Variants in RGS6 observed in about 807,000 individuals in gnomAD.
RGS6 encodes the protein regulator of G protein signaling 6.
In RGS6, 30 loss-of-function variants were observed where a neutral mutation model predicts 78.5. That is an observed-to-expected ratio of 0.38 (90% confidence interval 0.29 to 0.52). The LOEUF (loss-of-function observed/expected upper bound fraction) is 0.52, where lower values mean the gene tolerates loss of function less well. RGS6 is among the 20% of genes least tolerant of loss of function. The pLI is 0.85. For missense variants in RGS6, 495 were observed against 609.7 expected (o/e 0.81, Z 1.98); for synonymous variants, 206 against 206.0 (o/e 1.00, Z 0.00).
intron 14 of RGS6, among the ~76,000 whole-genome samples, chr14:72,512,577 GA>G (rs1479972343): frequency 6.6e-6 from 1 of 152,184 alleles, no homozygotes; most frequent in Non-Finnish European, 1.5e-5. Context: ...CCAGAATGCA[GA>G]AATCCAGACT....
At chr14:72,287,695 T>C (rs2062834849) in intron 2 of RGS6, among the ~76,000 whole-genome samples, 1 of 152,174 alleles carries the variant, frequency 6.6e-6, no homozygotes, top group Non-Finnish European at 1.5e-5. Flanking sequence ...CGACCTCAGG[T>C]GATCTGCCCG....
intron 2 of RGS6, among the ~76,000 whole-genome samples, chr14:71,995,763 G>A (rs1043306009): frequency 4.6e-5 from 7 of 152,256 alleles, no homozygotes; most frequent in African/African-American, 1.7e-4. Flanking sequence ...ATGACGCACG[G>A]CATATTTACT....
At chr14:72,472,710 TAC>T (rs1248462762) in intron 8 of RGS6, among the ~76,000 whole-genome samples, 160 bp from the exon 9 acceptor site, 1 of 152,194 alleles carries the variant, frequency 6.6e-6, no homozygotes, top group East Asian at 1.9e-4. Context: ...GGGGGAATTA[TAC>T]ACCCCTATTT....
chr14:72,070,991 C>T lies in RGS6; in HGVS notation c.84+106116C>T, dbSNP rs1408445383. 7.2e-5 allele frequency among the ~76,000 whole-genome samples: 11 copies of T among 151,902 alleles called. No homozygotes were observed. The South Asian group carries it at 1.7e-3, about 23-fold the overall frequency. ...AAAACATTTAAAATATTTTATTCATCTCCTCTCATGGTTTTCAGCAAAAAT... is the reference window on the plus strand; with the variant it reads ...AAAACATTTAAAATATTTTATTCATTTCCTCTCATGGTTTTCAGCAAAAAT... On this transcript the variant is annotated intron_variant, in intron 2 of 17. Transcript: ENST00000553525.
intron 3 of RGS6, among the ~76,000 whole-genome samples, chr14:72,448,175 C>T (rs2056425962): frequency 6.6e-6 from 1 of 152,192 alleles, no homozygotes; most frequent in South Asian, 2.1e-4. Context: ...GGGACCTGCC[C>T]AGGTTCCCAC....
intron 2 of RGS6, among the ~76,000 whole-genome samples, chr14:72,344,651 C>T (rs919794899): frequency 3.3e-5 from 5 of 152,156 alleles, no homozygotes; most frequent in African/African-American, 1.2e-4. Context: ...GAAATATTTA[C>T]TGAGTACCTA....
At chr14:72,266,211 C>T (rs536626756) in intron 2 of RGS6, among the ~76,000 whole-genome samples, 1 of 152,104 alleles carries the variant, frequency 6.6e-6, no homozygotes, top group Non-Finnish European at 1.5e-5. Context: ...ACATGCCTGG[C>T]GCCTTGGTGG....
intron 3 of RGS6, among the ~76,000 whole-genome samples, chr14:72,416,348 C>T (rs2093808522): frequency 6.6e-6 from 1 of 152,110 alleles, no homozygotes; most frequent in Non-Finnish European, 1.5e-5. Flanking sequence ...AGATGGGTCT[C>T]CTTTTCTTCT....
intron 2 of RGS6, among the ~76,000 whole-genome samples, chr14:72,054,880 A>G (rs911386759): frequency 4.6e-5 from 7 of 152,182 alleles, no homozygotes; most frequent in African/African-American, 9.6e-5. Context: ...CCTGGCTTAT[A>G]TGATCTCTTG....
the RGS6 span, among the ~76,000 whole-genome samples, chr14:71,895,026 A>G: frequency 4.4e-4 from 67 of 152,208 alleles, no homozygotes; most frequent in Admixed American, 6.5e-4. Flanking sequence ...GGCCTCCCAA[A>G]GTGCTGGGAT....
At chr14:72,210,044 A>G (rs759969567) in intron 2 of RGS6, among the ~76,000 whole-genome samples, 1 of 152,208 alleles carries the variant, frequency 6.6e-6, no homozygotes, top group Non-Finnish European at 1.5e-5. Flanking sequence ...GATACTCAGG[A>G]AGAGGATCTC....
intron 2 of RGS6, among the ~76,000 whole-genome samples, chr14:72,097,557 A>G (rs888557058): frequency 6.6e-6 from 1 of 152,204 alleles, no homozygotes; most frequent in Non-Finnish European, 1.5e-5. Context: ...GGCCGCAATT[A>G]GCAGAGACCA....
chr14:71,930,198 A>T (rs1016840412), upstream of RGS6, among the ~76,000 whole-genome samples: 5 of 152,174 alleles, frequency 3.3e-5, no homozygotes, highest in African/African-American at 1.2e-4. Context: ...TTGGATCCAA[A>T]ATCATTTTAC....
chr14:72,010,985 AT>A (rs1247275166), intron 2 of RGS6, among the ~76,000 whole-genome samples: 2 of 152,236 alleles, frequency 1.3e-5, no homozygotes, highest in African/African-American at 4.8e-5. Context: ...GCACTTATTA[AT>A]GGCAAAACCG....
intron 3 of RGS6, among the ~76,000 whole-genome samples, chr14:72,450,723 A>T (rs1353262034): frequency 1.3e-5 from 2 of 152,204 alleles, no homozygotes; most frequent in Non-Finnish European, 2.9e-5. Context: ...TAGAACAGAA[A>T]AGGAATCCGC....
intron 15 of RGS6, among the ~76,000 whole-genome samples, chr14:72,530,170 A>T (rs538156674): frequency 2.0e-5 from 3 of 152,240 alleles, no homozygotes; most frequent in African/African-American, 7.2e-5. Context: ...CTCACTTCTT[A>T]TGGGGCAGCA....
intron 1 of RGS6, among the ~76,000 whole-genome samples, chr14:71,951,854 C>T (rs886621027): frequency 9.9e-5 from 15 of 152,040 alleles, no homozygotes; most frequent in Non-Finnish European, 1.3e-4. Flanking sequence ...TGAAATTATT[C>T]GATGCTATTA....
chr14:71,907,391 A>G, the RGS6 span, among the ~76,000 whole-genome samples: 4 of 152,188 alleles, frequency 2.6e-5, no homozygotes, highest in Non-Finnish European at 5.9e-5. Flanking sequence ...AAGACGGAAC[A>G]TGAGCTGAGG....
the RGS6 span, among the ~76,000 whole-genome samples, chr14:72,608,822 T>G: frequency 6.6e-6 from 1 of 152,190 alleles, no homozygotes; most frequent in African/African-American, 2.4e-5. Context: ...TTGTTGCTCC[T>G]GGAGTCTCCC....
Sources: allele counts gnomAD v4.1 joint callset (sites outside exome capture counted in the v4.1 genomes callset), GRCh38; gene constraint gnomAD v4.1.1; transcripts MANE v1.5; gene names NCBI Gene and HGNC (gene_info 2026-07-23, HGNC 2026-07-21).